The following GRID2 variants were observed in gnomAD, a reference collection of about 807,000 sequenced individuals.
GRID2 encodes the protein glutamate ionotropic receptor delta type subunit 2.
Under a neutral mutation model 114.8 loss-of-function variants are expected in GRID2, and 33 were observed. The ratio of observed to expected loss-of-function variants is 0.29; its 90% confidence interval spans 0.22 to 0.38. GRID2 has a LOEUF of 0.38. Ranked by LOEUF, GRID2 falls within the 10% of genes least tolerant of loss-of-function variation. The pLI is 1.00. For synonymous variants in GRID2, 505 were observed against 449.9 expected (o/e 1.12, Z -1.55); for missense variants, 1,184 against 1,257.7 (o/e 0.94, Z 0.89).
rs566600579 is a variant in GRID2 at position 93,113,973 on chromosome 4, G to A, written c.735+3020G>A. Among the ~76,000 whole-genome samples the A allele has an allele frequency of 6.6e-5, 10 of 152,234 alleles. No individual in the cohort carries two copies. The East Asian group carries it at 1.4e-3, about 21-fold the overall frequency. ...GGTGTGTTGACCACCCTGTTGAGAC[G>A]TTTGGTGACGAAAGTAAGGGTAAAT... On this transcript the variant is annotated intron_variant, in intron 4 of 15. Coordinates refer to ENST00000282020, the MANE Select transcript of GRID2 (RefSeq NM_001510.4).
intron 2 of GRID2, among the ~76,000 whole-genome samples, chr4:92,772,293 T>A (rs1738580897): frequency 6.6e-6 from 1 of 152,304 alleles, no homozygotes; most frequent in Non-Finnish European, 1.5e-5. Flanking sequence ...TTTATCAGAC[T>A]AACTACATAT....
chr4:93,579,212 G>A (rs1026489984), intron 13 of GRID2, among the ~76,000 whole-genome samples: 1 of 152,232 alleles, frequency 6.6e-6, no homozygotes, highest in Non-Finnish European at 1.5e-5. Flanking sequence ...ATATTTCACA[G>A]ACTAGCTTTT....
At chr4:92,859,348 T>A (rs1452302684) in intron 2 of GRID2, among the ~76,000 whole-genome samples, 1 of 152,192 alleles carries the variant, frequency 6.6e-6, no homozygotes, top group African/African-American at 2.4e-5. Context: ...TAGACTATAG[T>A]ATAGTATAAA....
intron 14 of GRID2, among the ~76,000 whole-genome samples, chr4:93,647,364 T>C (rs1241634701): frequency 1.3e-5 from 2 of 152,194 alleles, no homozygotes; most frequent in Non-Finnish European, 2.9e-5. Flanking sequence ...GGCTCCATGA[T>C]TGCTCAATTC....
chr4:93,086,659 T>C (rs1200776471), intron 3 of GRID2, among the ~76,000 whole-genome samples: 1 of 152,144 alleles, frequency 6.6e-6, no homozygotes, highest in African/African-American at 2.4e-5. Flanking sequence ...TAATTCACGT[T>C]ATTAAGGGGT....
chr4:93,477,157 CT>C lies in GRID2; in HGVS notation c.1859-13479del, dbSNP rs200310595. Among the ~76,000 whole-genome samples the C allele has an allele frequency of 6.7e-3, 1,015 of 152,190 alleles. 8 individuals are homozygous for C. Among genetic ancestry groups the C allele is most frequent in the South Asian group, 0.011 (53 of 4,824 alleles). On this transcript the variant is annotated intron_variant, in intron 11 of 15. Coordinates refer to ENST00000282020, the MANE Select transcript of GRID2 (RefSeq NM_001510.4). ...AAGAGAATGTGAGAGAGCCAGAGAA[CT>C]TTCCAGAAGTAGCCAGAGAACAATA...
intron 2 of GRID2, among the ~76,000 whole-genome samples, chr4:92,862,172 A>C (rs1479367492): frequency 6.6e-6 from 1 of 152,024 alleles, no homozygotes; most frequent in Non-Finnish European, 1.5e-5. Context: ...GGACCTTTCT[A>C]ACATTTTGGG....
chr4:93,465,672 T>C (rs906874936), intron 11 of GRID2, among the ~76,000 whole-genome samples: 3 of 152,192 alleles, frequency 2.0e-5, no homozygotes, highest in Non-Finnish European at 4.4e-5. Context: ...CGGCAAGAGA[T>C]AGAATCAGCC....
chr4:93,541,655 CTG>C (rs1286701339), intron 13 of GRID2, among the ~76,000 whole-genome samples: 6 of 152,164 alleles, frequency 3.9e-5, no homozygotes, highest in African/African-American at 7.2e-5. Context: ...GCCTTGTGAG[CTG>C]TGTCTCATTT....
At chr4:92,378,263 C>T (rs1729448205) in intron 1 of GRID2, among the ~76,000 whole-genome samples, 1 of 151,994 alleles carries the variant, frequency 6.6e-6, no homozygotes, top group Non-Finnish European at 1.5e-5. Flanking sequence ...ACATATTAAA[C>T]TATTAAGTAT....
chr4:92,735,958 T>G (rs910211855), intron 2 of GRID2, among the ~76,000 whole-genome samples: 4 of 152,090 alleles, frequency 2.6e-5, no homozygotes, highest in African/African-American at 7.2e-5. Context: ...TCCAAATGAC[T>G]GAAGAAAGGT....
At chr4:93,077,136 T>C (rs1729405080) in intron 2 of GRID2, among the ~76,000 whole-genome samples, 1 of 152,172 alleles carries the variant, frequency 6.6e-6, no homozygotes, top group Non-Finnish European at 1.5e-5. Flanking sequence ...GGTGATATCA[T>C]TTGAATTAAA....
At chr4:92,605,554 A>G (rs866887221) in intron 2 of GRID2, among the ~76,000 whole-genome samples, 5 of 152,076 alleles carry the variant, frequency 3.3e-5, no homozygotes, top group African/African-American at 9.7e-5. Flanking sequence ...TCAAGGGCTC[A>G]TTTTTTATAA....
chr4:92,875,357 G>A (rs1745556383), intron 2 of GRID2, among the ~76,000 whole-genome samples: 1 of 151,660 alleles, frequency 6.6e-6, no homozygotes, highest in Non-Finnish European at 1.5e-5. Context: ...GTAGAGACGG[G>A]GTTTCATTAT....
At chr4:93,490,828 T>C in intron 12 of GRID2, 51 bp downstream of exon 12, 1 of 1,258,940 alleles carries the variant, frequency 7.9e-7, no homozygotes, top group Non-Finnish European at 1.2e-6. Context: ...ATGATAAGAG[T>C]GGCCAAAGCT....
At chr4:93,356,404 GAATA>G (rs1761340705) in intron 8 of GRID2, among the ~76,000 whole-genome samples, 1 of 150,138 alleles carries the variant, frequency 6.7e-6, no homozygotes, top group African/African-American at 2.5e-5. Context: ...TTTTCTCAAA[GAATA>G]AATTTTTTTT....
chr4:92,529,050 G>A (rs1725183908), intron 1 of GRID2, among the ~76,000 whole-genome samples: 1 of 152,064 alleles, frequency 6.6e-6, no homozygotes, highest in African/African-American at 2.4e-5. Context: ...ATTCTCTTGG[G>A]ACGTGAGTCA....
At chr4:92,975,087 G>T (rs185698302) in intron 2 of GRID2, among the ~76,000 whole-genome samples, 1 of 141,212 alleles carries the variant, frequency 7.1e-6, no homozygotes, top group South Asian at 2.3e-4. Flanking sequence ...AACCCGGGGT[G>T]TGGAGCTTGC....
chr4:92,640,357 G>T (rs1229150962), intron 2 of GRID2, among the ~76,000 whole-genome samples: 14 of 151,788 alleles, frequency 9.2e-5, no homozygotes, highest in Admixed American at 8.6e-4. Flanking sequence ...GATTATTTTT[G>T]ATTGAATCAT....
Sources: allele counts gnomAD v4.1 joint callset (sites outside exome capture counted in the v4.1 genomes callset), GRCh38; gene constraint gnomAD v4.1.1; transcripts MANE v1.5; gene names NCBI Gene and HGNC (gene_info 2026-07-23, HGNC 2026-07-21).